Variants in PCCA observed in about 807,000 individuals in gnomAD.
PCCA encodes propionyl-CoA carboxylase subunit alpha.
A neutral mutation model predicts 101.3 loss-of-function variants in PCCA; 74 were observed. That is an observed-to-expected ratio of 0.73 (90% CI 0.61 to 0.89). PCCA has a LOEUF of 0.89. Among genes scored for constraint, PCCA ranks in the 40% least tolerant of loss-of-function variants. The pLI is 0.00. For synonymous variants in PCCA, 294 were observed against 313.6 expected (o/e 0.94, Z 0.66); for missense variants, 891 against 907.0 (o/e 0.98, Z 0.23).
At chr13:100,422,070 T>TTTCTTTCTTTCTTTA (rs10668689) in intron 19 of PCCA, among the ~76,000 whole-genome samples, 22 of 110,706 alleles carry the variant, frequency 2.0e-4, no homozygotes, top group African/African-American at 7.6e-4. Flanking sequence ...TTCTCTTTTC[T>TTTCTTTCTTTCTTTA]TTTCTTTCTT....
chr13:100,107,458 A>G (rs1225977693), intron 2 of PCCA, among the ~76,000 whole-genome samples: 2 of 152,148 alleles, frequency 1.3e-5, no homozygotes, highest in Non-Finnish European at 2.9e-5. Flanking sequence ...GGAGGCCGAG[A>G]CACGGGATTC....
intron 4 of PCCA, among the ~76,000 whole-genome samples, chr13:100,139,931 G>A (rs927366554): frequency 6.0e-5 from 9 of 150,684 alleles, no homozygotes; most frequent in Non-Finnish European, 1.3e-4. Context: ...TTTTCCTGTG[G>A]GCGGTGGGTC....
At chr13:100,271,014 C>A (rs184782045) in intron 11 of PCCA, among the ~76,000 whole-genome samples, 1 of 151,772 alleles carries the variant, frequency 6.6e-6, no homozygotes, top group Admixed American at 6.6e-5. Context: ...TTCTCCCCCA[C>A]CCCCCGAAAA....
chr13:100,173,272 G>A (rs4772268), intron 6 of PCCA, among the ~76,000 whole-genome samples: 39,074 of 151,976 alleles, frequency 0.26, 5,723 homozygotes, highest in Middle Eastern at 0.46. Context: ...GAGTTGGTAC[G>A]GGCAGCCATG....
chr13:100,134,517 C>T (rs2050911609), intron 4 of PCCA, among the ~76,000 whole-genome samples: 1 of 152,162 alleles, frequency 6.6e-6, no homozygotes, highest in Non-Finnish European at 1.5e-5. Flanking sequence ...TCTTCCAATC[C>T]ATGAACATGG....
intron 13 of PCCA, among the ~76,000 whole-genome samples, chr13:100,302,242 CT>C (rs1479128562): frequency 2.0e-5 from 3 of 152,004 alleles, no homozygotes; most frequent in Non-Finnish European, 4.4e-5. Flanking sequence ...ACTATTTTTA[CT>C]TTTCGACATC....
intron 10 of PCCA, among the ~76,000 whole-genome samples, chr13:100,263,251 T>C (rs557709753): frequency 5.2e-4 from 79 of 152,302 alleles, no homozygotes; most frequent in African/African-American, 1.9e-3. Flanking sequence ...CGTAGGGGCA[T>C]AGATTTTGGC....
intron 19 of PCCA, among the ~76,000 whole-genome samples, chr13:100,390,134 A>G (rs544397903): frequency 3.9e-4 from 60 of 152,338 alleles, no homozygotes; most frequent in African/African-American, 1.4e-3. Context: ...TAGCTAATAT[A>G]TATTGCATAT....
intron 4 of PCCA, among the ~76,000 whole-genome samples, chr13:100,138,371 A>G (rs1566557061): frequency 6.6e-6 from 1 of 152,178 alleles, no homozygotes; most frequent in Non-Finnish European, 1.5e-5. Context: ...CAGTCTTACC[A>G]TCATGCAGGT....
intron 12 of PCCA, among the ~76,000 whole-genome samples, chr13:100,281,590 TA>T (rs532999397): frequency 7.9e-5 from 12 of 152,322 alleles, no homozygotes; most frequent in African/African-American, 2.9e-4. Context: ...ATACTTTGTT[TA>T]AAAAAATCTA....
At chr13:100,164,240 ATATCC>A (rs2054804422) in intron 6 of PCCA, among the ~76,000 whole-genome samples, 1 of 152,234 alleles carries the variant, frequency 6.6e-6, no homozygotes, top group African/African-American at 2.4e-5. Flanking sequence ...GGTCTTCAGT[ATATCC>A]AAGGAACAAA....
chr13:100,252,855 A>T (rs1207136979), intron 8 of PCCA, among the ~76,000 whole-genome samples: 3 of 152,060 alleles, frequency 2.0e-5, no homozygotes, highest in Non-Finnish European at 2.9e-5. Context: ...CCTTGTTTCT[A>T]CCTTTGCCCT....
chr13:100,159,744 G>A (rs761227790), intron 6 of PCCA, among the ~76,000 whole-genome samples: 6 of 152,086 alleles, frequency 3.9e-5, no homozygotes, highest in Non-Finnish European at 7.3e-5. Context: ...CCTCCACCCA[G>A]CCTGACTGTG....
At chr13:100,465,051 A>G (rs1008981962) in intron 21 of PCCA, among the ~76,000 whole-genome samples, 12 of 152,158 alleles carry the variant, frequency 7.9e-5, no homozygotes, top group Non-Finnish European at 1.8e-4. Flanking sequence ...GGAAGTGGGA[A>G]TGGCAGCTCT....
At chr13:100,204,685 C>T (rs1402545837) in intron 6 of PCCA, among the ~76,000 whole-genome samples, 1 of 152,164 alleles carries the variant, frequency 6.6e-6, no homozygotes, top group Non-Finnish European at 1.5e-5. Context: ...TGCTCAAACC[C>T]AACCCTTTCC....
At chr13:100,307,033 G>A (rs1047234050) in intron 14 of PCCA, among the ~76,000 whole-genome samples, 159 bp from the exon 15 acceptor site, 1 of 152,026 alleles carries the variant, frequency 6.6e-6, no homozygotes, top group Non-Finnish European at 1.5e-5. Context: ...ACATATTAAC[G>A]GATCAAGATT....
At position 100,309,803 on chromosome 13, in the gene PCCA, A is replaced by G. The variant is rs201580740; in HGVS notation, c.1354-30A>G. On this transcript the variant is annotated intron_variant, in intron 15 of 23. Coordinates refer to ENST00000376285, the MANE Select transcript of PCCA (RefSeq NM_000282.4). ...TTAACATAGTTCTAAATATATATAT[A>G]TATTGGGTTTTTTGTTTGCTTGTTT... 2.3e-5 allele frequency: 31 copies of G among 1,362,750 alleles called. No homozygotes were observed. The East Asian group carries it at 5.9e-4, about 26-fold the overall frequency. 84.4% of individuals were successfully genotyped at this position (1,362,750 alleles called of 1,614,324 possible). A position where few individuals can be genotyped will look rare whatever the true frequency, so the allele number is the denominator to read the frequency against.
At chr13:100,415,624 A>G (rs1254702532) in intron 19 of PCCA, among the ~76,000 whole-genome samples, 1 of 152,226 alleles carries the variant, frequency 6.6e-6, no homozygotes, top group Non-Finnish European at 1.5e-5. Flanking sequence ...TTTTAAAAAT[A>G]GCAGAATACC....
At chr13:100,451,708 CCTCTCTCCT>C (rs1459500226) in intron 21 of PCCA, among the ~76,000 whole-genome samples, 1 of 86,054 alleles carries the variant, frequency 1.2e-5, no homozygotes, top group Non-Finnish European at 2.3e-5. Flanking sequence ...CCCCTCCTCT[CCTCTCTCCT>C]CTCTCTCTCT....
Sources: allele counts gnomAD v4.1 joint callset (sites outside exome capture counted in the v4.1 genomes callset), GRCh38; gene constraint gnomAD v4.1.1; transcripts MANE v1.5; gene names NCBI Gene and HGNC (gene_info 2026-07-23, HGNC 2026-07-21).